The following CADPS variants were observed in gnomAD, a reference collection of about 807,000 sequenced individuals.
The protein encoded by CADPS is calcium-dependent secretion activator 1.
In CADPS, 57 loss-of-function variants were observed where a neutral mutation model predicts 167.3. The ratio of observed to expected loss-of-function variants is 0.34; its 90% CI spans 0.28 to 0.42. The LOEUF (loss-of-function observed/expected upper bound fraction) is 0.42, where lower values mean the gene tolerates loss of function less well. Among genes scored for constraint, CADPS ranks in the 20% least tolerant of loss-of-function variants. CADPS has a pLI of 1.00. For synonymous variants in CADPS, 676 were observed against 635.3 expected, an observed-to-expected ratio of 1.06 and a Z score of -0.96; for missense variants, 1,414 against 1,738.1, an observed-to-expected ratio of 0.81 and a Z score of 3.32.
intron 8 of CADPS, among the ~76,000 whole-genome samples, chr3:62,580,233 A>G (rs949123239): frequency 6.6e-6 from 1 of 152,214 alleles, no homozygotes; most frequent in African/African-American, 2.4e-5. Context: ...TGGCACATAT[A>G]CACCATGGAA....
intron 6 of CADPS, 78 bp downstream of exon 6, chr3:62,645,644 C>T: frequency 1.3e-6 from 2 of 1,499,852 alleles, no homozygotes; most frequent in Non-Finnish European, 1.8e-6. Context: ...GAAACCAGAT[C>T]TTTACCTTGG....
chr3:62,456,678 C>G (rs2058715127), intron 26 of CADPS, among the ~76,000 whole-genome samples: 1 of 151,636 alleles, frequency 6.6e-6, no homozygotes, highest in Admixed American at 6.6e-5. Flanking sequence ...GGTACATATC[C>G]TGCACTTGGG....
chr3:62,687,734 ATT>A (rs201429638), intron 3 of CADPS, among the ~76,000 whole-genome samples: 10,855 of 128,288 alleles, frequency 0.085, 514 homozygotes, highest in African/African-American at 0.18. Context: ...TTCCCTTCGC[ATT>A]TTTTTTTTTT....
At chr3:62,474,944 G>C (rs1349741094) in intron 23 of CADPS, among the ~76,000 whole-genome samples, 3 of 152,190 alleles carry the variant, frequency 2.0e-5, no homozygotes. Context: ...TTGAGGAGGG[G>C]AGGGAAATTA....
At chr3:62,408,228 T>G (rs1221568062) in intron 28 of CADPS, among the ~76,000 whole-genome samples, 1 of 152,192 alleles carries the variant, frequency 6.6e-6, no homozygotes, top group Non-Finnish European at 1.5e-5. Context: ...AGGCCAGGAT[T>G]AGGGTGAGGG....
At chr3:62,575,704 C>T (rs2082126247) in intron 8 of CADPS, among the ~76,000 whole-genome samples, 2 of 152,220 alleles carry the variant, frequency 1.3e-5, no homozygotes, top group East Asian at 1.9e-4. Flanking sequence ...CTTCTTCACA[C>T]TCTTCCTCCT....
At chr3:62,699,528 C>T (rs71296787) in intron 3 of CADPS, among the ~76,000 whole-genome samples, 12,076 of 152,110 alleles carry the variant, frequency 0.079, 639 homozygotes, top group Non-Finnish European at 0.12. Context: ...CATTGTTCAT[C>T]AATGTGCCCC....
At position 62,398,588 on chromosome 3, in the gene CADPS, C is replaced by T. The variant is rs1704851653; in HGVS notation, c.*818G>A. ...GTTACAATCTACTGAAGGAAATATCCACATCTTATTATAAACACATTTTTA... is the reference window on the plus strand; with the variant it reads ...GTTACAATCTACTGAAGGAAATATCTACATCTTATTATAAACACATTTTTA... On this transcript the variant is annotated 3_prime_UTR_variant, in exon 30 of 30. Transcript: ENST00000383710. 1 of 152,478 alleles carries T rather than the reference C, an allele frequency of 6.6e-6. No homozygotes were observed. Among genetic ancestry groups the T allele is most frequent in the African/African-American group, 2.4e-5 (1 of 41,398 alleles). 9.4% of individuals were successfully genotyped at this position (152,478 alleles called of 1,614,324 possible). A position where few individuals can be genotyped will look rare whatever the true frequency, so the allele number is the denominator to read the frequency against.
chr3:62,850,191 T>A (rs2078272572), intron 1 of CADPS, among the ~76,000 whole-genome samples: 1 of 137,498 alleles, frequency 7.3e-6, no homozygotes, highest in African/African-American at 2.6e-5. Context: ...TTGCTAGCGG[T>A]CTATCAATTT....
intron 3 of CADPS, among the ~76,000 whole-genome samples, chr3:62,681,069 T>G (rs535044376): frequency 3.2e-4 from 49 of 152,188 alleles, no homozygotes; most frequent in African/African-American, 1.1e-3. Flanking sequence ...TTCCCTTCCC[T>G]GTCTTTGCTG....
intron 1 of CADPS, among the ~76,000 whole-genome samples, chr3:62,793,896 C>T (rs1254151615): frequency 1.3e-5 from 2 of 152,162 alleles, no homozygotes; most frequent in Non-Finnish European, 2.9e-5. Context: ...TTCCAATTAA[C>T]ATCCAATTTG....
chr3:62,450,303 A>G lies in CADPS; in HGVS notation c.3637-4506T>C, dbSNP rs1020004659. On this transcript the variant is annotated intron_variant, in intron 26 of 29. Transcript: ENST00000383710. ...TTGCTAAGTATGACTGAGTGTGGGC[A>G]TAAGTGAGAGGGCAGTTCCCCAGGC... 3.3e-5 allele frequency among the ~76,000 whole-genome samples: 5 copies of G among 152,340 alleles called. No individual in the cohort carries two copies. In the East Asian group the frequency reaches 5.8e-4, roughly 18 times the overall value.
chr3:62,683,673 T>C (rs2077504742), intron 3 of CADPS, among the ~76,000 whole-genome samples: 1 of 152,058 alleles, frequency 6.6e-6, no homozygotes, highest in African/African-American at 2.4e-5. Context: ...CCTTTCTCTG[T>C]TCCAGTATCC....
intron 7 of CADPS, among the ~76,000 whole-genome samples, chr3:62,590,387 T>C (rs548536296): frequency 7.2e-5 from 11 of 152,258 alleles, no homozygotes; most frequent in Admixed American, 4.6e-4. Flanking sequence ...AAAGGCAGGA[T>C]AATTCTTCCA....
intron 3 of CADPS, among the ~76,000 whole-genome samples, chr3:62,735,149 T>G (rs972418630): frequency 6.6e-6 from 1 of 152,282 alleles, no homozygotes; most frequent in South Asian, 2.1e-4. Flanking sequence ...TATATTCATA[T>G]TGAGATATCA....
At chr3:62,659,754 G>C (rs559609159) in intron 4 of CADPS, among the ~76,000 whole-genome samples, 1 of 152,288 alleles carries the variant, frequency 6.6e-6, no homozygotes, top group African/African-American at 2.4e-5. Flanking sequence ...GAAACTGACT[G>C]CTTCCACCTG....
chr3:62,600,858 C>G (rs1023012531), intron 6 of CADPS, among the ~76,000 whole-genome samples: 16 of 152,102 alleles, frequency 1.1e-4, no homozygotes, highest in Admixed American at 9.8e-4. Flanking sequence ...GTGGTCTGCA[C>G]CTGTAGTCCC....
rs1269484388 is a variant in CADPS, at chr3:62,550,100, C to A, written c.1769G>T (p.Arg590Leu). 2 of 1,613,750 alleles carry A rather than the reference C, an allele frequency of 1.2e-6. No individual in the cohort carries two copies. The highest frequency in any genetic ancestry group is 1.7e-6 in the Non-Finnish European group (2 of 1,179,832). The change falls in exon 11 of 30, where the codon CGA becomes CTA. Residue 590 changes from arginine to leucine, a missense_variant. This residue lies in a region of CADPS where 157 missense variants were observed against 229.4 expected (regional missense o/e 0.68). Transcript: ENST00000383710. ...CTCCTTGACAGCATTGAAGAAGGCTCGGCCACCCTCCAAACCTGGAAGAAA... is the reference window on the plus strand; with the variant it reads ...CTCCTTGACAGCATTGAAGAAGGCTAGGCCACCCTCCAAACCTGGAAGAAA... ...TDPQPGLEGG[R>L]AFFNAVKEGD...
chr3:62,619,222 C>G (rs1017883744), intron 6 of CADPS, among the ~76,000 whole-genome samples: 1 of 152,192 alleles, frequency 6.6e-6, no homozygotes, highest in South Asian at 2.1e-4. Flanking sequence ...TGTTTCCCTA[C>G]AGTGGTACCT....
Sources: gnomAD v4.1 joint callset for allele counts (sites outside exome capture counted in the v4.1 genomes callset) on GRCh38, gnomAD v4.1.1 for gene constraint, gnomAD v4.1.1 regional missense constraint, MANE v1.5 for transcripts, NCBI Gene and HGNC (gene_info 2026-07-23, HGNC 2026-07-21) for gene names.